Variants in TUBB6 observed in about 807,000 individuals in gnomAD.
TUBB6 encodes the protein tubulin beta 6 class V, also known as tubulin beta-6 chain.
TUBB6 carries 18 observed loss-of-function variants against 32.3 expected under a neutral mutation model. The observed-to-expected ratio is 0.56, with a 90% CI of 0.39 to 0.83. The LOEUF (loss-of-function observed/expected upper bound fraction) is 0.83. Ranked by LOEUF, TUBB6 falls within the 40% of genes least tolerant of loss-of-function variation. The pLI is 0.00. For missense variants in TUBB6, 480 were observed against 632.0 expected (o/e 0.76, Z 2.58); for synonymous variants, 280 against 265.8 (o/e 1.05, Z -0.52).
In TUBB6 at chr18:12,326,188, T is replaced by C; in HGVS notation, c.*58T>C. On this transcript the variant is annotated 3_prime_UTR_variant, in exon 4 of 4. Transcript: ENST00000317702. Reference sequence around the variant, plus strand: ...AACACGCAAGTTCCTTCTTGAACCCTGGTGCCTCCTACCCTATGGCCCTGA... The same window carrying C: ...AACACGCAAGTTCCTTCTTGAACCCCGGTGCCTCCTACCCTATGGCCCTGA... 1.3e-6 allele frequency: 2 copies of C among 1,559,816 alleles called. No individual in the cohort carries two copies. Among genetic ancestry groups the C allele is most frequent in the Admixed American group, 3.6e-5 (2 of 54,894 alleles).
downstream of TUBB6, among the ~76,000 whole-genome samples, chr18:12,327,622 A>G (rs1396951477): frequency 6.6e-6 from 1 of 152,194 alleles, no homozygotes; most frequent in Non-Finnish European, 1.5e-5. Context: ...GTGACCGTGG[A>G]AAGATCTATG....
chr18:12,311,819 A>C (rs888717331), intron 3 of TUBB6, among the ~76,000 whole-genome samples: 17 of 152,166 alleles, frequency 1.1e-4, no homozygotes, highest in Non-Finnish European at 1.5e-5. Context: ...AATTACATGA[A>C]GTGGTACCAT....
intron 3 of TUBB6, among the ~76,000 whole-genome samples, chr18:12,324,576 A>G (rs61686567): frequency 6.6e-6 from 1 of 151,058 alleles, no homozygotes; most frequent in Non-Finnish European, 1.5e-5. Context: ...CAGCCTCCCA[A>G]GTAGCTGGGA....
downstream of TUBB6, among the ~76,000 whole-genome samples, chr18:12,326,915 T>TG (rs993695528): frequency 6.6e-6 from 1 of 152,034 alleles, no homozygotes; most frequent in Non-Finnish European, 1.5e-5. Context: ...GGGTGCTGGG[T>TG]GGGAGCTGGG....
At chr18:12,313,693 C>T (rs924147082) in intron 3 of TUBB6, among the ~76,000 whole-genome samples, 9 of 152,174 alleles carry the variant, frequency 5.9e-5, no homozygotes, top group Non-Finnish European at 1.2e-4. Flanking sequence ...GCTGCTAAGA[C>T]CTAGTGTTGG....
At chr18:12,308,661 T>C (rs749694660) in intron 1 of TUBB6, 26 bp from the exon 2 acceptor site, 1 of 1,505,880 alleles carries the variant, frequency 6.6e-7, no homozygotes, top group South Asian at 1.1e-5. Context: ...TCTGAGCGTC[T>C]GTCCCCCCGC....
At chr18:12,316,417 A>C (rs1452072244) in intron 3 of TUBB6, among the ~76,000 whole-genome samples, 1 of 152,226 alleles carries the variant, frequency 6.6e-6, no homozygotes, top group Admixed American at 6.5e-5. Flanking sequence ...AAAATGTTAG[A>C]AATGACCTTT....
At chr18:12,328,350 C>A (rs1056734162), downstream of TUBB6, among the ~76,000 whole-genome samples, 1 of 152,244 alleles carries the variant, frequency 6.6e-6, no homozygotes, top group Admixed American at 6.5e-5. Context: ...GCCAGTGTCT[C>A]CTCCATGTCC....
downstream of TUBB6, chr18:12,329,088 T>C: frequency 1.4e-6 from 1 of 701,960 alleles, no homozygotes; most frequent in East Asian, 2.7e-5. Flanking sequence ...GGATTCAATC[T>C]TTAAAATATT....
chr18:12,309,594 G>A (rs566538739), intron 2 of TUBB6, among the ~76,000 whole-genome samples: 2 of 152,256 alleles, frequency 1.3e-5, no homozygotes, highest in South Asian at 4.2e-4. Flanking sequence ...AATGACAAAA[G>A]GCTGGGAACA....
Position 12,326,171 on chromosome 18 carries a change from A to C in TUBB6, c.*41A>C, listed in dbSNP as rs1408738396. On this transcript the variant is annotated 3_prime_UTR_variant, in exon 4 of 4. Coordinates refer to ENST00000317702, the MANE Select transcript of TUBB6 (RefSeq NM_032525.3). ...CCCAACTCAGATCCTACAACACGCA[A>C]GTTCCTTCTTGAACCCTGGTGCCTC... 3.2e-6 allele frequency: 5 copies of C among 1,577,936 alleles called. No homozygotes were observed. In the East Asian group the frequency reaches 1.1e-4, roughly 35 times the overall value.
At chr18:12,315,584 T>C (rs1906626686) in intron 3 of TUBB6, among the ~76,000 whole-genome samples, 1 of 152,212 alleles carries the variant, frequency 6.6e-6, no homozygotes, top group Non-Finnish European at 1.5e-5. Flanking sequence ...CAGCTCTGAA[T>C]TTGGCCCTTC....
intron 3 of TUBB6, 119 bp downstream of exon 3, chr18:12,311,172 C>T: frequency 1.2e-6 from 1 of 829,624 alleles, no homozygotes; most frequent in South Asian, 1.6e-5. Flanking sequence ...ATCAGTGGTT[C>T]CCAGCCCCAC....
At position 12,326,212 on chromosome 18, in the gene TUBB6, G is replaced by C; in HGVS notation, c.*82G>C. ...CTGGTGCCTCCTACCCTATGGCCCT[G>C]AATGGTGCACTGGTTTAATTGTGTT... On this transcript the variant is annotated 3_prime_UTR_variant, in exon 4 of 4. Coordinates refer to ENST00000317702, the MANE Select transcript of TUBB6 (RefSeq NM_032525.3). 6.6e-7 allele frequency: 1 copy of C among 1,509,980 alleles called. No individual in the cohort carries two copies. Among genetic ancestry groups the C allele is most frequent in the African/African-American group, 1.4e-5 (1 of 72,274 alleles). The allele number at this position is 1,509,980 out of a possible 1,614,324, so 93.5% of individuals were successfully genotyped here.
At chr18:12,308,602 G>A in intron 1 of TUBB6, 85 bp from the exon 2 acceptor site, 1 of 1,074,616 alleles carries the variant, frequency 9.3e-7, no homozygotes, top group Non-Finnish European at 1.4e-6. Context: ...GAATTCGGCC[G>A]CCGGGGCGCC....
intron 2 of TUBB6, among the ~76,000 whole-genome samples, chr18:12,310,506 A>T (rs1906316183): frequency 6.6e-6 from 1 of 150,612 alleles, no homozygotes; most frequent in Non-Finnish European, 1.5e-5. Flanking sequence ...AAAAAAAAAA[A>T]AGACAAGGTC....
Position 12,326,013 on chromosome 18 carries a change from C to T in TUBB6, c.1224C>T (p.Phe408=), listed in dbSNP as rs756302312. 4 of 1,614,178 alleles carry T rather than the reference C, an allele frequency of 2.5e-6. No homozygotes were observed. Among genetic ancestry groups the T allele is most frequent in the Non-Finnish European group, 8.5e-7 (1 of 1,180,050 alleles). ...GTGAGGGCATGGATGAAATGGAGTT[C>T]ACCGAGGCGGAGAGCAACATGAACG... The part of the protein sequence containing the change: ...FTGEGMDEME[F]TEAESNMNDL... Residue 408 remains phenylalanine (F), a synonymous_variant, in exon 4 of 4, where the codon TTC becomes TTT. Transcript: ENST00000317702.
At position 12,311,260 on chromosome 18, in the gene TUBB6, T is replaced by A. The variant is rs1181336582; in HGVS notation, c.277+207T>A. 4 of 431,410 alleles carry A rather than the reference T, an allele frequency of 9.3e-6. No homozygotes were observed. The Admixed American group carries it at 1.6e-4, about 17-fold the overall frequency. The allele number at this position is 431,410 out of a possible 1,614,324, so 26.7% of individuals were successfully genotyped here. On this transcript the variant is annotated intron_variant, in intron 3 of 3. Transcript: ENST00000317702. ...GACTTTTTTGGTGGGAAGGAACCTC[T>A]ATATCTCTAAATGAAATTCTTCTAC... is the stretch of plus-strand genomic sequence containing the variant.
chr18:12,312,134 C>G (rs1236913869), intron 3 of TUBB6, among the ~76,000 whole-genome samples: 1 of 152,158 alleles, frequency 6.6e-6, no homozygotes, highest in Non-Finnish European at 1.5e-5. Flanking sequence ...AACAGACAAT[C>G]CCATTATCCA....
Sources: gnomAD v4.1 joint callset for allele counts (sites outside exome capture counted in the v4.1 genomes callset) on GRCh38, gnomAD v4.1.1 for gene constraint, MANE v1.5 for transcripts, NCBI Gene and HGNC (gene_info 2026-07-23, HGNC 2026-07-21) for gene names.